CRIM1: variants seen among roughly 807,000 people sequenced by gnomAD.
CRIM1 encodes cysteine-rich motor neuron 1 protein.
Under a neutral mutation model 116.4 loss-of-function variants are expected in CRIM1, and 32 were observed. The observed-to-expected ratio is 0.27, with a 90% CI of 0.21 to 0.37. The LOEUF (loss-of-function observed/expected upper bound fraction) is 0.37. Ranked by LOEUF, CRIM1 falls within the 10% of genes least tolerant of loss-of-function variation. The probability of loss-of-function intolerance (pLI) is 1.00; values close to 1 mark genes in which losing one functional copy is unlikely to be tolerated. For synonymous variants in CRIM1, 590 were observed against 509.2 expected, an observed-to-expected ratio of 1.16 and a Z score of -2.13; for missense variants, 1,331 against 1,354.8, an observed-to-expected ratio of 0.98 and a Z score of 0.28.
At chr2:36,425,074 A>G (rs570941856) in intron 2 of CRIM1, among the ~76,000 whole-genome samples, 1 of 152,318 alleles carries the variant, frequency 6.6e-6, no homozygotes, top group South Asian at 2.1e-4. Flanking sequence ...GACTGAGTCC[A>G]TGGCTGAGAC....
At chr2:36,439,339 T>C (rs1371049899) in intron 2 of CRIM1, among the ~76,000 whole-genome samples, 1 of 152,240 alleles carries the variant, frequency 6.6e-6, no homozygotes, top group Non-Finnish European at 1.5e-5. Flanking sequence ...CCAGATATTG[T>C]GTGCCTTCCT....
intron 7 of CRIM1, among the ~76,000 whole-genome samples, chr2:36,488,149 G>A (rs1679970603): frequency 6.6e-6 from 1 of 152,138 alleles, no homozygotes; most frequent in Non-Finnish European, 1.5e-5. Context: ...AATCCAGTGA[G>A]TCACTGTTAA....
chr2:36,525,481 C>T (rs1446726119), intron 13 of CRIM1, among the ~76,000 whole-genome samples: 3 of 152,206 alleles, frequency 2.0e-5, no homozygotes, highest in Admixed American at 1.3e-4. Flanking sequence ...GAGCCTTTAT[C>T]ACCATCCAGA....
chr2:36,458,090 C>A (rs1677287467), intron 4 of CRIM1, among the ~76,000 whole-genome samples: 2 of 152,138 alleles, frequency 1.3e-5, no homozygotes, highest in South Asian at 4.1e-4. Context: ...TGTAGTAGAT[C>A]CAGTATTGAA....
rs372558409 is a variant in CRIM1 at position 36,536,325 on chromosome 2, G to A, written c.2429-1027G>A. Among the ~76,000 whole-genome samples, 26 of 150,690 alleles carry A rather than the reference G, an allele frequency of 1.7e-4. No homozygotes were observed. The East Asian group carries it at 2.1e-3, about 12-fold the overall frequency. ...TCCAGGAAGAACCCTGGGCCCTGGG[G>A]ACGACTGCCTTCCTAAGGAACTTTC... is the stretch of plus-strand genomic sequence containing the variant. On this transcript the variant is annotated intron_variant, in intron 13 of 16. Coordinates refer to ENST00000280527, the MANE Select transcript of CRIM1 (RefSeq NM_016441.3).
rs72866840 is a variant in CRIM1, at chr2:36,494,298, A to G, written c.1373-4921A>G. On this transcript the variant is annotated intron_variant, in intron 7 of 16. Transcript: ENST00000280527. ...AAAATACCGATGGTGTTTTTCAATA[A>G]CAGTGTCTGAAGCTCTCTAATTTGT... Among the ~76,000 whole-genome samples, 769 of 152,288 alleles carry G rather than the reference A, an allele frequency of 5.0e-3. 10 individuals are homozygous for G. Among genetic ancestry groups the G allele is most frequent in the African/African-American group, 0.017 (727 of 41,560 alleles).
intron 7 of CRIM1, among the ~76,000 whole-genome samples, chr2:36,487,972 C>CA (rs1679955779): frequency 6.6e-6 from 1 of 151,964 alleles, no homozygotes; most frequent in South Asian, 2.1e-4. Context: ...AGAAACAGGT[C>CA]AAAATAGGTT....
At position 36,548,765 on chromosome 2, in the gene CRIM1, A is replaced by G; in HGVS notation, c.*64A>G. 1 of 1,393,950 alleles carries G rather than the reference A, an allele frequency of 7.2e-7. No individual in the cohort carries two copies. Among genetic ancestry groups the G allele is most frequent in the Non-Finnish European group, 9.8e-7 (1 of 1,024,190 alleles). The allele number at this position is 1,393,950 out of a possible 1,614,324, so 86.3% of individuals were successfully genotyped here. ...CGACTAAATCTGCTCTAAAAAGTAA[A>G]CTAGAATTTGTGCACTTGCTTAGTG... is the stretch of plus-strand genomic sequence containing the variant. On this transcript the variant is annotated 3_prime_UTR_variant, in exon 17 of 17. Transcript: ENST00000280527.
At chr2:36,360,610 C>T (rs1669157491) in intron 1 of CRIM1, among the ~76,000 whole-genome samples, 1 of 152,108 alleles carries the variant, frequency 6.6e-6, no homozygotes, top group African/African-American at 2.4e-5. Context: ...TGCAAAGTTT[C>T]TTTGCTTATC....
chr2:36,370,097 G>T (rs1669850262), intron 1 of CRIM1, among the ~76,000 whole-genome samples: 1 of 151,976 alleles, frequency 6.6e-6, no homozygotes, highest in African/African-American at 2.4e-5. Context: ...TTCTAATTAA[G>T]ATGCTTTGGG....
In CRIM1 at chr2:36,537,431, C is replaced by T; in HGVS notation, c.2508C>T (p.Ser836=). 1 of 1,614,192 alleles carries T rather than the reference C, an allele frequency of 6.2e-7. No individual in the cohort carries two copies. Among genetic ancestry groups the T allele is most frequent in the Non-Finnish European group, 8.5e-7 (1 of 1,180,030 alleles). Residue 836 remains serine, a synonymous_variant, in exon 14 of 17, where the codon AGC becomes AGT. Coordinates refer to ENST00000280527, the MANE Select transcript of CRIM1 (RefSeq NM_016441.3). ...YADEERWDLD[S]CTHCYCLQGQ... is the part of the protein sequence containing the mutation. ...ACGAGGAGCGGTGGGACCTTGACAG[C>T]TGCACCCACTGCTACTGCCTGCAGG...
At chr2:36,452,079 G>A (rs1416770113) in intron 4 of CRIM1, among the ~76,000 whole-genome samples, 1 of 150,968 alleles carries the variant, frequency 6.6e-6, no homozygotes, top group East Asian at 1.9e-4. Flanking sequence ...TCTGTTCTAA[G>A]ATAGTGTCTC....
At chr2:36,540,340 A>C (rs989488321) in intron 14 of CRIM1, among the ~76,000 whole-genome samples, 8 of 152,094 alleles carry the variant, frequency 5.3e-5, no homozygotes, top group African/African-American at 1.9e-4. Context: ...TGGTTATGCA[A>C]CTCTCATGCA....
chr2:36,539,517 T>TA (rs1666796071), intron 14 of CRIM1, among the ~76,000 whole-genome samples: 1 of 152,186 alleles, frequency 6.6e-6, no homozygotes, highest in Admixed American at 6.5e-5. Context: ...GGATCTGACT[T>TA]ACCTTTGAAT....
intron 4 of CRIM1, among the ~76,000 whole-genome samples, chr2:36,449,210 T>C (rs535776896): frequency 2.0e-5 from 3 of 152,272 alleles, no homozygotes; most frequent in South Asian, 4.1e-4. Context: ...ATCACAGAGC[T>C]CAACACAGGA....
intron 1 of CRIM1, among the ~76,000 whole-genome samples, chr2:36,370,066 T>G (rs1669848788): frequency 6.6e-6 from 1 of 152,242 alleles, no homozygotes; most frequent in African/African-American, 2.4e-5. Context: ...ATTGTTTTAC[T>G]TACTGCATTT....
intron 4 of CRIM1, among the ~76,000 whole-genome samples, chr2:36,448,257 C>T (rs1676401329): frequency 6.6e-6 from 1 of 152,208 alleles, no homozygotes; most frequent in East Asian, 1.9e-4. Flanking sequence ...GTTGAGCTTA[C>T]CTGAGAGAAA....
intron 13 of CRIM1, among the ~76,000 whole-genome samples, chr2:36,530,919 C>T (rs1002376059): frequency 6.6e-6 from 1 of 152,194 alleles, no homozygotes; most frequent in Non-Finnish European, 1.5e-5. Flanking sequence ...GGTGCAGGAG[C>T]GTCTCCTGAG....
At chr2:36,529,238 T>C (rs1665957395) in intron 13 of CRIM1, 3 of 470,416 alleles carry the variant, frequency 6.4e-6, no homozygotes, top group East Asian at 6.9e-5. Flanking sequence ...ATAAGAACCC[T>C]CTGGAGACTG....
Sources: allele counts gnomAD v4.1 joint callset (sites outside exome capture counted in the v4.1 genomes callset), GRCh38; gene constraint gnomAD v4.1.1; transcripts MANE v1.5; gene names NCBI Gene and HGNC (gene_info 2026-07-23, HGNC 2026-07-21).